ITPR3: variants seen among roughly 807,000 people sequenced by gnomAD.
The protein encoded by ITPR3 is inositol 1,4,5-trisphosphate receptor type 3, also known as inositol 1,4,5-trisphosphate-gated calcium channel ITPR3.
In ITPR3, 173 loss-of-function variants were observed where a neutral mutation model predicts 293.2. That is an observed-to-expected ratio of 0.59 (90% CI 0.52 to 0.67). The LOEUF is 0.67. Ranked by LOEUF, ITPR3 falls within the 30% of genes least tolerant of loss-of-function variation. The pLI is 0.00. For synonymous variants in ITPR3, 1,295 were observed against 1,444.4 expected (o/e 0.90, Z 2.35); for missense variants, 2,796 against 3,592.1 (o/e 0.78, Z 5.66).
rs1453745035 is a variant in ITPR3, at chr6:33,679,813, G to A, written c.3973-69G>A. ...CAGAGTCCCAGTTTCTCCCTGGTAA[G>A]CAACGGAGAGGAGAGCCCAGGGCTT... On this transcript the variant is annotated intron_variant, in intron 30 of 57. Transcript: ENST00000605930. This position sits in a 1 kb window ranked among gnomAD's most constrained non-coding sequence, Gnocchi z 4.2. The A allele has an allele frequency of 3.9e-6, 6 of 1,536,324 alleles. No individual in the cohort carries two copies. In the African/African-American group the frequency reaches 8.2e-5, roughly 21 times the overall value.
intron 57 of ITPR3, chr6:33,695,471 C>T: frequency 1.7e-6 from 1 of 579,958 alleles, no homozygotes; most frequent in Non-Finnish European, 3.1e-6. Context: ...GAGGCAGCCT[C>T]TGTTAGTGGG....
At chr6:33,677,674 C>G (rs750786381) in intron 28 of ITPR3, 45 bp downstream of exon 28, 1 of 1,603,524 alleles carries the variant, frequency 6.2e-7, no homozygotes, top group Admixed American at 1.7e-5. Flanking sequence ...TGGCTTCCCC[C>G]TGAACCCCGG....
intron 13 of ITPR3, 132 bp from the exon 14 acceptor site, chr6:33,665,703 G>T (rs1764591761): frequency 1.0e-6 from 1 of 960,976 alleles, no homozygotes; most frequent in East Asian, 2.6e-5. Context: ...TGTAGGCTGA[G>T]GATGGGTTTT....
intron 1 of ITPR3, among the ~76,000 whole-genome samples, chr6:33,625,057 G>A (rs911124930): frequency 1.4e-4 from 21 of 152,224 alleles, no homozygotes; most frequent in African/African-American, 5.1e-4. Flanking sequence ...CAAGGCCAAT[G>A]CCACTGCTTT....
At position 33,687,406 on chromosome 6, in the gene ITPR3, G is replaced by A. The variant is rs551150798; in HGVS notation, c.6178-72G>A. 2.0e-4 allele frequency: 300 copies of A among 1,493,720 alleles called. 1 individual carries two copies. The African/African-American group carries it at 3.6e-3, about 18-fold the overall frequency. The allele number at this position is 1,493,720 out of a possible 1,614,324, so 92.5% of individuals were successfully genotyped here. ...CCCCAGCTGCCATCATCCCCCAGTCGCCATTGTCGCCCCCCAGCCACCATG... is the reference window on the plus strand; with the variant it reads ...CCCCAGCTGCCATCATCCCCCAGTCACCATTGTCGCCCCCCAGCCACCATG... On this transcript the variant is annotated intron_variant, in intron 45 of 57. Transcript: ENST00000605930. This position sits in a 1 kb window ranked among gnomAD's most constrained non-coding sequence, Gnocchi z 5.3.
intron 21 of ITPR3, 55 bp from the exon 22 acceptor site, chr6:33,671,968 GGACCCC>G: frequency 6.8e-7 from 1 of 1,460,308 alleles, no homozygotes; most frequent in Non-Finnish European, 9.3e-7. Flanking sequence ...ATCAGACCAG[GGACCCC>G]TGTGTACAGC....
intron 2 of ITPR3, among the ~76,000 whole-genome samples, chr6:33,643,893 T>C (rs1347552163): frequency 6.6e-6 from 1 of 152,194 alleles, no homozygotes; most frequent in African/African-American, 2.4e-5. Context: ...GTCTACACGA[T>C]AGTAAAGAGA....
intron 9 of ITPR3, 42 bp from the exon 10 acceptor site, chr6:33,663,458 T>G: frequency 6.4e-7 from 1 of 1,570,940 alleles, no homozygotes; most frequent in South Asian, 1.2e-5. Context: ...TGGGTATAGT[T>G]TGGTGTCCAG....
rs1764942077 is a variant in ITPR3, at chr6:33,677,583, A to C, written c.3602A>C (p.Asp1201Ala). 4 of 1,614,026 alleles carry C rather than the reference A, an allele frequency of 2.5e-6. No individual in the cohort carries two copies. Among genetic ancestry groups the C allele is most frequent in the Non-Finnish European group, 3.4e-6 (4 of 1,179,956 alleles). ...KKQQRLLKNM[D>A]AHKVMLDLLQ... ...CAGCAACGGCTGCTGAAGAACATGG[A>C]TGCCCACAAGGTCATGCTGGACCTG... Residue 1201 changes from aspartate to alanine, a missense_variant, in exon 28 of 58, where the codon GAT (aspartate) becomes GCT (alanine). Coordinates refer to ENST00000605930, the MANE Select transcript of ITPR3 (RefSeq NM_002224.4).
At position 33,682,387 on chromosome 6, in the gene ITPR3, G is replaced by A. The variant is rs368161174; in HGVS notation, c.4477-137G>A. ...GAATACAAGTACCTTTTTCCAACTG[G>A]CACAGAGGCACATGGTGGCTAGTGA... On this transcript the variant is annotated intron_variant, in intron 33 of 57. Coordinates refer to ENST00000605930, the MANE Select transcript of ITPR3 (RefSeq NM_002224.4). The surrounding 1 kb of genome is among the most constrained non-coding windows in gnomAD (Gnocchi z 5.4). 2.3e-5 allele frequency: 23 copies of A among 1,006,108 alleles called. No homozygotes were observed. The highest frequency in any genetic ancestry group is 2.0e-4 in the East Asian group (7 of 34,494). The allele number at this position is 1,006,108 out of a possible 1,614,324, so 62.3% of individuals were successfully genotyped here. A position where few individuals can be genotyped will look rare whatever the true frequency, so the allele number is the denominator to read the frequency against.
intron 22 of ITPR3, among the ~76,000 whole-genome samples, chr6:33,673,053 C>T (rs1468680760): frequency 6.6e-6 from 1 of 152,164 alleles, no homozygotes; most frequent in African/African-American, 2.4e-5. Flanking sequence ...TCCATGTCTG[C>T]ATCCTGGGGC....
In ITPR3 at chr6:33,687,458, T is replaced by G; in HGVS notation, c.6178-20T>G. The G allele has an allele frequency of 1.2e-6, 2 of 1,603,030 alleles. No homozygotes were observed. Among genetic ancestry groups the G allele is most frequent in the Non-Finnish European group, 1.7e-6 (2 of 1,174,890 alleles). On this transcript the variant is annotated intron_variant, in intron 45 of 57. Transcript: ENST00000605930. The surrounding 1 kb of genome is among the most constrained non-coding windows in gnomAD (Gnocchi z 5.3). Reference sequence around the variant, plus strand: ...CCCCCAGCCACCACACCCTGGTGACTGTGCTGCCATTTCCCTCAGCTCTCC... The same window carrying G: ...CCCCCAGCCACCACACCCTGGTGACGGTGCTGCCATTTCCCTCAGCTCTCC...
In ITPR3 at chr6:33,688,184, C is replaced by T. The variant is rs1561881538; in HGVS notation, c.6375+17C>T. 1 of 1,613,832 alleles carries T rather than the reference C, an allele frequency of 6.2e-7. No individual in the cohort carries two copies. The highest frequency in any genetic ancestry group is 1.3e-5 in the African/African-American group (1 of 75,054). On this transcript the variant is annotated intron_variant, in intron 47 of 57. Coordinates refer to ENST00000605930, the MANE Select transcript of ITPR3 (RefSeq NM_002224.4). ...CAGATCGAGGTGGGCCTGTGGGCAG[C>T]AGGGGCGGGCGTGGGAGCCTGCGCC...
intron 1 of ITPR3, among the ~76,000 whole-genome samples, chr6:33,622,466 T>C (rs1763461316): frequency 6.6e-6 from 1 of 152,134 alleles, no homozygotes; most frequent in Admixed American, 6.5e-5. Flanking sequence ...GTAGAGAGGA[T>C]GGGTTTATCT....
Position 33,655,875 on chromosome 6 carries a change from G to A in ITPR3, c.270G>A (p.Leu90=), listed in dbSNP as rs1375761758. ...AGAAGATCGCTGATGTGGTGTTGCT[G>A]CAGAAGCTGCAGGTATGTGTGTGTG... ...DKEKIADVVL[L]QKLQHAAQME... Residue 90 remains leucine, a synonymous_variant, in exon 3 of 58, where the codon CTG becomes CTA. Coordinates refer to ENST00000605930, the MANE Select transcript of ITPR3 (RefSeq NM_002224.4). This position sits in a 1 kb window ranked among gnomAD's most constrained non-coding sequence, Gnocchi z 4.9. 6.2e-7 allele frequency: 1 copy of A among 1,613,994 alleles called. No homozygotes were observed. Among genetic ancestry groups the A allele is most frequent in the Non-Finnish European group, 8.5e-7 (1 of 1,179,996 alleles).
rs746551085 is a variant in ITPR3, at chr6:33,689,320, C to T, written c.6777C>T (p.Tyr2259=). ...FSIAALFTKR[Y]SIRPLIVALI... is the part of the protein sequence containing the mutation. ...TCGCGGCCCTGTTCACCAAGCGCTACAGCATCCGCCCCCTCATCGTGGCGC... is the reference window on the plus strand; with the variant it reads ...TCGCGGCCCTGTTCACCAAGCGCTATAGCATCCGCCCCCTCATCGTGGCGC... Residue 2259 remains tyrosine, a synonymous_variant, in exon 50 of 58, where the codon TAC becomes TAT. Transcript: ENST00000605930. The T allele has an allele frequency of 6.2e-7, 1 of 1,612,890 alleles. No individual in the cohort carries two copies. Among genetic ancestry groups the T allele is most frequent in the South Asian group, 1.1e-5 (1 of 91,088 alleles).
rs1046311067 is a variant in ITPR3 at position 33,692,490 on chromosome 6, C to T, written c.7459-238C>T. ...CTCCTTCTGCAGGCCTCCACCCCGGCGTGTCCTGAGTCCACGCTTTCCTAA... is the reference window on the plus strand; with the variant it reads ...CTCCTTCTGCAGGCCTCCACCCCGGTGTGTCCTGAGTCCACGCTTTCCTAA... On this transcript the variant is annotated intron_variant, in intron 54 of 57. Transcript: ENST00000605930. This position sits in a 1 kb window ranked among gnomAD's most constrained non-coding sequence, Gnocchi z 4.2. 6.6e-6 allele frequency among the ~76,000 whole-genome samples: 1 copy of T among 152,052 alleles called. No individual in the cohort carries two copies.
At position 33,687,579 on chromosome 6, in the gene ITPR3, C is replaced by A. The variant is rs376958468; in HGVS notation, c.6264+15C>A. On this transcript the variant is annotated intron_variant, in intron 46 of 57. Transcript: ENST00000605930. The surrounding 1 kb of genome is among the most constrained non-coding windows in gnomAD (Gnocchi z 5.3). Reference sequence around the variant, plus strand: ...TCTCTTCCATGGTGGGTGCTGGCCCCGAGACTGGGGTGGGGGTGGGGCCTG... The same window carrying A: ...TCTCTTCCATGGTGGGTGCTGGCCCAGAGACTGGGGTGGGGGTGGGGCCTG... 1 of 1,442,432 alleles carries A rather than the reference C, an allele frequency of 6.9e-7. No homozygotes were observed. The highest frequency in any genetic ancestry group is 2.3e-5 in the East Asian group (1 of 43,178). 89.4% of individuals were successfully genotyped at this position (1,442,432 alleles called of 1,614,324 possible). A position where few individuals can be genotyped will look rare whatever the true frequency, so the allele number is the denominator to read the frequency against.
At chr6:33,690,672 C>T (rs1484144310) in intron 51 of ITPR3, among the ~76,000 whole-genome samples, 1 of 152,154 alleles carries the variant, frequency 6.6e-6, no homozygotes, top group Non-Finnish European at 1.5e-5. Context: ...ATTCAGCCAC[C>T]CGTTTCACCC....
Sources: gnomAD v4.1 joint callset for allele counts (sites outside exome capture counted in the v4.1 genomes callset) on GRCh38, gnomAD v4.1.1 for gene constraint, Gnocchi (gnomAD v3.1) non-coding constraint, MANE v1.5 for transcripts, NCBI Gene and HGNC (gene_info 2026-07-23, HGNC 2026-07-21) for gene names.